AGBL1: variants seen among roughly 807,000 people sequenced by gnomAD.
AGBL1 encodes cytosolic carboxypeptidase 4.
Under a neutral mutation model 118.9 loss-of-function variants are expected in AGBL1, and 130 were observed. The ratio of observed to expected loss-of-function variants is 1.09; its 90% confidence interval spans 0.95 to 1.26. The LOEUF is 1.26. AGBL1 is among the 50% of genes most tolerant of loss of function. AGBL1 has a pLI of 0.00. For missense variants in AGBL1, 1,584 were observed against 1,298.1 expected, an observed-to-expected ratio of 1.22 and a Z score of -3.38; for synonymous variants, 555 against 478.9, an observed-to-expected ratio of 1.16 and a Z score of -2.08.
intron 18 of AGBL1, among the ~76,000 whole-genome samples, chr15:86,504,659 G>A (rs2082954380): frequency 2.6e-5 from 4 of 151,454 alleles, no homozygotes; most frequent in Admixed American, 2.6e-4. Context: ...TTGCAATAGT[G>A]TACAAAATAT....
chr15:86,367,224 A>G (rs1447690545), intron 17 of AGBL1, among the ~76,000 whole-genome samples: 1 of 152,238 alleles, frequency 6.6e-6, no homozygotes, highest in Non-Finnish European at 1.5e-5. Flanking sequence ...TTATCCAAAA[A>G]CTAAACAATG....
intron 1 of AGBL1, among the ~76,000 whole-genome samples, chr15:86,112,095 T>C (rs144150063): frequency 0.023 from 3,566 of 152,140 alleles, 158 homozygotes; most frequent in African/African-American, 0.08. Flanking sequence ...TTCTACATTA[T>C]GGGGAGTTGT....
At chr15:86,916,238 G>A (rs977322957), downstream of AGBL1, 3 of 152,232 alleles carry the variant, frequency 2.0e-5, no homozygotes, top group African/African-American at 7.2e-5. Context: ...ATTGTCCTGG[G>A]AACTGAAGCG....
intron 5 of AGBL1, among the ~76,000 whole-genome samples, chr15:86,221,092 G>T (rs1448909046): frequency 2.0e-5 from 3 of 152,074 alleles, no homozygotes; most frequent in African/African-American, 7.2e-5. Flanking sequence ...CAGCTACCTG[G>T]GAGGCTGAAT....
chr15:87,004,817 G>T lies in AGBL1; in HGVS notation c.3323+16729G>T, dbSNP rs1172597904. On this transcript the variant is annotated intron_variant, in intron 24 of 24. Transcript: ENST00000441037. ...TTTCTTTACAATTTGGCATGATTTTGCAGTGGCTGGTTCCGGTTGTTCCTT... is the reference window on the plus strand; with the variant it reads ...TTTCTTTACAATTTGGCATGATTTTTCAGTGGCTGGTTCCGGTTGTTCCTT... Among the ~76,000 whole-genome samples the T allele has an allele frequency of 2.0e-5, 3 of 152,066 alleles. No individual in the cohort carries two copies. The South Asian group carries it at 6.2e-4, about 32-fold the overall frequency.
chr15:86,894,028 T>C (rs934454363), intron 22 of AGBL1, among the ~76,000 whole-genome samples: 4 of 152,148 alleles, frequency 2.6e-5, no homozygotes, highest in African/African-American at 4.8e-5. Flanking sequence ...TTGTTTCTGA[T>C]TTATATTTTG....
intron 17 of AGBL1, among the ~76,000 whole-genome samples, chr15:86,321,058 T>C (rs1339436205): frequency 2.0e-5 from 3 of 152,214 alleles, no homozygotes; most frequent in Admixed American, 6.5e-5. Flanking sequence ...TGTAATTTTC[T>C]TTCTTTTGTG....
chr15:86,158,895 A>T (rs766442635), intron 4 of AGBL1, 38 bp from the exon 5 acceptor site: 3 of 1,586,432 alleles, frequency 1.9e-6, no homozygotes, highest in East Asian at 2.2e-5. Flanking sequence ...TAACTCATCC[A>T]CTTGTGACCA....
chr15:86,830,303 A>G (rs532190114), intron 22 of AGBL1, among the ~76,000 whole-genome samples: 43 of 152,248 alleles, frequency 2.8e-4, no homozygotes, highest in Non-Finnish European at 4.4e-4. Context: ...AACCTCTGAG[A>G]GGTTAACTTC....
intron 21 of AGBL1, among the ~76,000 whole-genome samples, chr15:86,562,178 C>A (rs1033437255): frequency 1.3e-5 from 2 of 152,212 alleles, no homozygotes; most frequent in African/African-American, 2.4e-5. Context: ...CTGGTCAGAA[C>A]TTCCAACACT....
intron 1 of AGBL1, among the ~76,000 whole-genome samples, chr15:86,088,843 C>A (rs150791036): frequency 6.6e-6 from 1 of 152,128 alleles, no homozygotes; most frequent in African/African-American, 2.4e-5. Context: ...TCACTGTATG[C>A]CCCACCTCTC....
At chr15:86,769,189 G>T (rs1042082851) in intron 22 of AGBL1, among the ~76,000 whole-genome samples, 5 of 136,186 alleles carry the variant, frequency 3.7e-5, no homozygotes, top group African/African-American at 1.5e-4. Flanking sequence ...GAGAGAGAGA[G>T]ACAGAGAAAG....
Position 86,851,251 on chromosome 15 carries a change from A to G in AGBL1, c.3159-55836A>G, listed in dbSNP as rs568083627. On this transcript the variant is annotated intron_variant, in intron 22 of 22. Coordinates refer to ENST00000614907, the MANE Select transcript of AGBL1 (RefSeq NM_001386094.1). ...TGGGAGAAAATTGAAAGCTGGACCT[A>G]TGGGTTCTCTGATTCCTGAGACTAT... 2.0e-5 allele frequency among the ~76,000 whole-genome samples: 3 copies of G among 152,288 alleles called. No individual in the cohort carries two copies. In the South Asian group the frequency reaches 6.2e-4, roughly 32 times the overall value.
chr15:86,384,684 C>T (rs2081159172), intron 17 of AGBL1, among the ~76,000 whole-genome samples: 1 of 152,078 alleles, frequency 6.6e-6, no homozygotes, highest in African/African-American at 2.4e-5. Flanking sequence ...TCGATTACAC[C>T]ACTTCCTCTT....
intron 22 of AGBL1, among the ~76,000 whole-genome samples, chr15:86,746,752 G>A (rs1044084949): frequency 6.6e-6 from 1 of 151,940 alleles, no homozygotes; most frequent in African/African-American, 2.4e-5. Flanking sequence ...TAAATGGAGA[G>A]GAAATTAGTA....
intron 21 of AGBL1, among the ~76,000 whole-genome samples, chr15:86,667,924 G>C (rs1293257242): frequency 1.3e-5 from 2 of 152,210 alleles, no homozygotes; most frequent in Non-Finnish European, 2.9e-5. Context: ...AGTTCTGCAG[G>C]CTGTAAAAGC....
Position 86,913,874 on chromosome 15 carries a change from C to T in AGBL1, c.*6580C>T, listed in dbSNP as rs2080384903. 1 of 152,072 alleles carries T rather than the reference C, an allele frequency of 6.6e-6. No homozygotes were observed. Among genetic ancestry groups the T allele is most frequent in the South Asian group, 2.1e-4 (1 of 4,824 alleles). The allele number at this position is 152,072 out of a possible 1,614,324, so 9.4% of individuals were successfully genotyped here. A position where few individuals can be genotyped will look rare whatever the true frequency, so the allele number is the denominator to read the frequency against. ...AGGTGGCAGAGTGAGACCCTGTACT[C>T]TGTCTAAAAGTAAATAAAAAGGCTG... On this transcript the variant is annotated 3_prime_UTR_variant, in exon 23 of 23. Coordinates refer to ENST00000614907, the MANE Select transcript of AGBL1 (RefSeq NM_001386094.1).
intron 1 of AGBL1, among the ~76,000 whole-genome samples, chr15:86,085,814 C>CAGCATTAAGAT (rs1895610140): frequency 6.6e-6 from 1 of 152,162 alleles, no homozygotes; most frequent in South Asian, 2.1e-4. Context: ...ATTTTAGGGG[C>CAGCATTAAGAT]AGCATTCAGA....
chr15:86,284,370 C>A (rs569521688), intron 16 of AGBL1, among the ~76,000 whole-genome samples: 1 of 152,006 alleles, frequency 6.6e-6, no homozygotes, highest in Admixed American at 6.6e-5. Flanking sequence ...TTATAATTGA[C>A]AAATCTGTGA....
Sources: gnomAD v4.1 joint callset for allele counts (sites outside exome capture counted in the v4.1 genomes callset) on GRCh38, gnomAD v4.1.1 for gene constraint, MANE v1.5 for transcripts, NCBI Gene and HGNC (gene_info 2026-07-23, HGNC 2026-07-21) for gene names.